Variants in MAPK10 observed in about 807,000 individuals in gnomAD.
MAPK10 encodes JNK3 alpha protein kinase.
A neutral mutation model predicts 59.3 loss-of-function variants in MAPK10; 25 were observed. The ratio of observed to expected loss-of-function variants is 0.42; its 90% CI spans 0.31 to 0.59. The LOEUF is 0.59. MAPK10 is among the 20% of genes least tolerant of loss of function. The pLI is 0.15. For missense variants in MAPK10, 351 were observed against 568.9 expected (o/e 0.62, Z 3.90); for synonymous variants, 190 against 200.5 (o/e 0.95, Z 0.44).
intron 2 of MAPK10, among the ~76,000 whole-genome samples, chr4:86,233,935 G>A (rs1183068486): frequency 6.6e-6 from 1 of 152,162 alleles, no homozygotes; most frequent in African/African-American, 2.4e-5. Context: ...ACTGATTCTA[G>A]ATAGGACTTG....
chr4:86,544,558 A>C (rs936364540), intron 1 of MAPK10, among the ~76,000 whole-genome samples: 5 of 152,232 alleles, frequency 3.3e-5, no homozygotes, highest in Admixed American at 6.5e-5. Flanking sequence ...CCTGTTTACA[A>C]ACTCCACTTT....
chr4:86,405,184 T>G (rs1163699952), intron 1 of MAPK10, among the ~76,000 whole-genome samples: 1 of 152,190 alleles, frequency 6.6e-6, no homozygotes, highest in East Asian at 1.9e-4. Flanking sequence ...CTAGCTGGTG[T>G]TCTTGATTTC....
At position 86,359,689 on chromosome 4, in the gene MAPK10, C is replaced by T. The variant is rs1188344119; in HGVS notation, c.-153G>A. 7.1e-6 allele frequency: 7 copies of T among 985,662 alleles called. No homozygotes were observed. Among genetic ancestry groups the T allele is most frequent in the East Asian group, 1.1e-4 (1 of 8,808 alleles). 61.1% of individuals were successfully genotyped at this position (985,662 alleles called of 1,614,324 possible). On this transcript the variant is annotated 5_prime_UTR_variant, in exon 1 of 14. Transcript: ENST00000641462. ...GTGCCTGAGAACTACGATCCTGATC[C>T]GGCAGTGTTTGCCCCAGAAATCCTC... is the stretch of plus-strand genomic sequence containing the variant.
intron 3 of MAPK10, chr4:86,191,863 T>A (rs1457985694): frequency 6.6e-6 from 1 of 152,086 alleles, no homozygotes; most frequent in Non-Finnish European, 1.5e-5. Flanking sequence ...TTCTTCATAG[T>A]GTCGATGGTC....
At chr4:86,467,622 C>T (rs1450554850) in intron 1 of MAPK10, among the ~76,000 whole-genome samples, 10 of 152,086 alleles carry the variant, frequency 6.6e-5, no homozygotes, top group South Asian at 4.1e-4. Context: ...CGGGTTCAAG[C>T]GATTCTCCTG....
chr4:86,375,201 C>T (rs1272967896), intron 1 of MAPK10, among the ~76,000 whole-genome samples: 1 of 152,120 alleles, frequency 6.6e-6, no homozygotes, highest in Non-Finnish European at 1.5e-5. Context: ...CACATACACA[C>T]ACATATCATA....
intron 1 of MAPK10, among the ~76,000 whole-genome samples, chr4:86,359,287 T>TCTCTCTCTCC (rs1173944873): frequency 4.7e-5 from 6 of 128,402 alleles, no homozygotes; most frequent in African/African-American, 2.1e-4. Context: ...TCTCTCTCTC[T>TCTCTCTCTCC]CTGTGTGTGT....
In MAPK10 at chr4:86,369,516, G is replaced by A. The variant is rs11941484; in HGVS notation, c.-121-14872C>T. ...TAATAATATGAATTTGGTGTATTTA[G>A]TCTTACATTTTTAAGCCAAATACTT... On this transcript the variant is annotated intron_variant, in intron 1 of 13. Coordinates refer to the MAPK10 transcript ENST00000361569. Among the ~76,000 whole-genome samples, 976 of 152,168 alleles carry A rather than the reference G, an allele frequency of 6.4e-3. 7 individuals are homozygous for A. Among genetic ancestry groups the A allele is most frequent in the African/African-American group, 0.021 (874 of 41,528 alleles).
intron 11 of MAPK10, among the ~76,000 whole-genome samples, chr4:86,056,562 C>G (rs1286141700): frequency 6.7e-6 from 1 of 149,888 alleles, no homozygotes; most frequent in African/African-American, 2.5e-5. Flanking sequence ...AACAAGAACT[C>G]ATTCATGGAG....
chr4:86,593,812 C>A (rs1763304899), intron 1 of MAPK10: 1 of 152,178 alleles, frequency 6.6e-6, no homozygotes, highest in South Asian at 2.1e-4. Flanking sequence ...TCTTCCTCTC[C>A]CCCATTCTCC....
rs201660691 is a variant in MAPK10, at chr4:86,315,657, TC to T, written c.-7+38872del. 1.0e-2 allele frequency among the ~76,000 whole-genome samples: 1,521 copies of T among 152,266 alleles called. 15 individuals are homozygous for T. Among genetic ancestry groups the T allele is most frequent in the African/African-American group, 0.027 (1,122 of 41,560 alleles). The stretch of plus-strand genomic sequence containing the variant: ...GATGTAGTATATTGTCAAATTAGCA[TC>T]AAGAATATAGTACCATAATAGTTTT... On this transcript the variant is annotated intron_variant, in intron 2 of 13. Coordinates refer to ENST00000641462, the MANE Select transcript of MAPK10 (RefSeq NM_138982.4).
intron 2 of MAPK10, among the ~76,000 whole-genome samples, chr4:86,264,553 T>G (rs2094145577): frequency 1.3e-5 from 2 of 152,224 alleles, no homozygotes; most frequent in South Asian, 2.1e-4. Flanking sequence ...TCTCCCTTTC[T>G]AGTCCCCCAC....
At chr4:86,050,564 T>C (rs994663506) in intron 11 of MAPK10, among the ~76,000 whole-genome samples, 28 of 152,084 alleles carry the variant, frequency 1.8e-4, no homozygotes, top group African/African-American at 6.8e-4. Context: ...GTCCTTTGCT[T>C]TGGGAAAGCT....
chr4:86,528,722 T>C (rs1040720286), intron 1 of MAPK10, among the ~76,000 whole-genome samples: 1 of 152,160 alleles, frequency 6.6e-6, no homozygotes, highest in African/African-American at 2.4e-5. Context: ...CACACAGTGG[T>C]TTTATTTTTC....
chr4:86,030,307 A>T (rs978241326), intron 12 of MAPK10, among the ~76,000 whole-genome samples: 11 of 151,942 alleles, frequency 7.2e-5, no homozygotes, highest in African/African-American at 2.2e-4. Context: ...ATCTTTTAAA[A>T]TTTTTTTATT....
At chr4:86,220,872 T>G (rs1370750809) in intron 2 of MAPK10, among the ~76,000 whole-genome samples, 6 of 152,204 alleles carry the variant, frequency 3.9e-5, no homozygotes, top group African/African-American at 1.2e-4. Context: ...TTAAATATGT[T>G]CAGGAGATTC....
At chr4:86,385,138 T>C (rs1176546891) in intron 1 of MAPK10, among the ~76,000 whole-genome samples, 1 of 151,990 alleles carries the variant, frequency 6.6e-6, no homozygotes, top group Non-Finnish European at 1.5e-5. Context: ...TTACTACATA[T>C]CTTTCTCAGT....
intron 2 of MAPK10, among the ~76,000 whole-genome samples, chr4:86,200,786 T>C (rs964087533): frequency 1.3e-5 from 2 of 151,956 alleles, no homozygotes; most frequent in Admixed American, 1.3e-4. Context: ...AAGCATACAA[T>C]GTGTAATGAC....
chr4:86,454,544 GA>G (rs1751068136), upstream of MAPK10, among the ~76,000 whole-genome samples: 1 of 151,998 alleles, frequency 6.6e-6, no homozygotes, highest in African/African-American at 2.4e-5. Flanking sequence ...AAAAGCTTCA[GA>G]AGACAAGGTT....
Sources: allele counts gnomAD v4.1 joint callset (sites outside exome capture counted in the v4.1 genomes callset), GRCh38; gene constraint gnomAD v4.1.1; transcripts MANE v1.5; gene names NCBI Gene and HGNC (gene_info 2026-07-23, HGNC 2026-07-21).